Variants in DDHD1 observed in about 807,000 individuals in gnomAD.
DDHD1 encodes DDHD domain containing 1.
Under a neutral mutation model 96.4 loss-of-function variants are expected in DDHD1, and 49 were observed. The ratio of observed to expected loss-of-function variants is 0.51; its 90% CI spans 0.40 to 0.64. The LOEUF (loss-of-function observed/expected upper bound fraction) is 0.64. Among genes scored for constraint, DDHD1 ranks in the 30% least tolerant of loss-of-function variants. The pLI is 0.00. For synonymous variants in DDHD1, 442 were observed against 446.5 expected (o/e 0.99, Z 0.13); for missense variants, 1,106 against 1,161.2 (o/e 0.95, Z 0.69).
Position 53,152,859 on chromosome 14 carries a change from C to T in DDHD1, c.240G>A (p.Leu80=). 6.2e-7 allele frequency: 1 copy of T among 1,611,576 alleles called. No individual in the cohort carries two copies. Among genetic ancestry groups the T allele is most frequent in the South Asian group, 1.1e-5 (1 of 90,904 alleles). ...GTDDHNHHLA[L]DPCLSDENYD... ...AGTTCTCGTCACTGAGGCAGGGGTC[C>T]AGCGCGAGGTGGTGGTTGTGGTCGT... is the stretch of plus-strand genomic sequence containing the variant. The change falls in exon 1 of 13, where the codon CTG becomes CTA. Residue 80 remains leucine, a synonymous_variant. Coordinates refer to ENST00000673822, the MANE Select transcript of DDHD1 (RefSeq NM_001160148.2).
chr14:53,096,022 T>TA (rs914274641), intron 2 of DDHD1: 58 of 590,518 alleles, frequency 9.8e-5, no homozygotes, highest in East Asian at 8.6e-4. Context: ...TGGACACATT[T>TA]AAAAAAAACT....
chr14:53,118,958 G>A (rs1026451570), intron 1 of DDHD1, among the ~76,000 whole-genome samples: 3 of 152,132 alleles, frequency 2.0e-5, no homozygotes, highest in Non-Finnish European at 1.5e-5. Flanking sequence ...GACTAACGGC[G>A]GATCTCTTGG....
intron 4 of DDHD1, among the ~76,000 whole-genome samples, chr14:53,083,215 T>A (rs1335831222): frequency 6.6e-6 from 1 of 152,178 alleles, no homozygotes; most frequent in Non-Finnish European, 1.5e-5. Flanking sequence ...CTTTTTTATA[T>A]CATGTTCAAA....
At chr14:53,145,389 G>C (rs1013066322) in intron 1 of DDHD1, among the ~76,000 whole-genome samples, 12 of 150,686 alleles carry the variant, frequency 8.0e-5, no homozygotes, top group African/African-American at 2.9e-4. Context: ...TATGGACCTA[G>C]CTTCTTTGAA....
chr14:53,084,928 T>G (rs1489550970), intron 4 of DDHD1, among the ~76,000 whole-genome samples: 3 of 152,260 alleles, frequency 2.0e-5, no homozygotes, highest in Non-Finnish European at 4.4e-5. Context: ...ACTTAAATAC[T>G]GTGCTTTTCC....
In DDHD1 at chr14:53,152,382, C is replaced by G; in HGVS notation, c.717G>C (p.Gln239His). The G allele has an allele frequency of 2.5e-6, 4 of 1,613,888 alleles. No individual in the cohort carries two copies. Among genetic ancestry groups the G allele is most frequent in the Non-Finnish European group, 2.5e-6 (3 of 1,179,974 alleles). Residue 239 changes from glutamine to histidine, a missense_variant, in exon 1 of 13, where the codon CAG (glutamine) becomes CAC (histidine). By Grantham distance (24) the Gln-to-His change is conservative (BLOSUM62 0). This residue lies in a region of DDHD1 where 456 missense variants were observed against 402.4 expected (regional missense o/e 1.13). Transcript: ENST00000673822. ...TCTCCGGCTCGTGCCCCGTCGTACT[C>G]TGGCAGAAGCCGCAGGCGCGGTCCT... ...DDEDRACGFC[Q>H]STTGHEPEMV... is the part of the protein sequence containing the mutation.
chr14:53,088,286 A>G (rs1025077861), intron 4 of DDHD1, among the ~76,000 whole-genome samples: 5 of 152,240 alleles, frequency 3.3e-5, no homozygotes, highest in African/African-American at 1.2e-4. Context: ...TGCAGTCAAC[A>G]GAAAAAGAGG....
At chr14:53,109,857 G>A (rs1887977366) in intron 1 of DDHD1, among the ~76,000 whole-genome samples, 1 of 152,186 alleles carries the variant, frequency 6.6e-6, no homozygotes, top group Admixed American at 6.5e-5. Context: ...GTTCATTCAA[G>A]CTCTTTCTAC....
At chr14:53,097,936 C>T (rs10132326) in intron 2 of DDHD1, among the ~76,000 whole-genome samples, 4,597 of 151,938 alleles carry the variant, frequency 0.03, 228 homozygotes, top group African/African-American at 0.1. Context: ...AGACATGGTT[C>T]TTTCTTTTCA....
chr14:53,137,462 C>T (rs575151524), intron 1 of DDHD1, among the ~76,000 whole-genome samples: 3 of 152,040 alleles, frequency 2.0e-5, no homozygotes, highest in African/African-American at 7.2e-5. Flanking sequence ...CTTGGTGGCA[C>T]ATGCCTGTAA....
In DDHD1 at chr14:53,037,280, A is replaced by G. The variant is rs565117868; in HGVS notation, c.*9488T>C. The G allele has an allele frequency of 2.0e-5, 3 of 152,258 alleles. No individual in the cohort carries two copies. Among genetic ancestry groups the G allele is most frequent in the African/African-American group, 7.2e-5 (3 of 41,580 alleles). 9.4% of individuals were successfully genotyped at this position (152,258 alleles called of 1,614,324 possible). On this transcript the variant is annotated 3_prime_UTR_variant, in exon 13 of 13. Transcript: ENST00000673822. ...TTATTTCCTTTTGGGAAATAAACCC[A>G]TATGCTGGGTTGAATGGTAGATCTG... is the stretch of plus-strand genomic sequence containing the variant.
intron 4 of DDHD1, among the ~76,000 whole-genome samples, chr14:53,082,419 A>G (rs1309267789): frequency 6.6e-6 from 1 of 150,898 alleles, no homozygotes; most frequent in Admixed American, 6.6e-5. Context: ...ATAGAAAATC[A>G]TGAACAGTGA....
chr14:53,150,390 C>T (rs1891262525), intron 1 of DDHD1, among the ~76,000 whole-genome samples: 1 of 152,212 alleles, frequency 6.6e-6, no homozygotes, highest in African/African-American at 2.4e-5. Flanking sequence ...CACTTTCTAG[C>T]TAAGTGGCCT....
chr14:53,131,497 C>T (rs1030957452), intron 1 of DDHD1, among the ~76,000 whole-genome samples: 6 of 152,142 alleles, frequency 3.9e-5, no homozygotes, highest in Non-Finnish European at 8.8e-5. Flanking sequence ...CTTTCCTATC[C>T]TCAATACCTT....
intron 4 of DDHD1, among the ~76,000 whole-genome samples, chr14:53,076,447 C>G (rs550499242): frequency 6.6e-6 from 1 of 152,210 alleles, no homozygotes; most frequent in South Asian, 2.1e-4. Context: ...GGAGTTGCTT[C>G]TTATGGATGA....
intron 2 of DDHD1, among the ~76,000 whole-genome samples, chr14:53,095,060 T>C (rs574237999): frequency 9.2e-5 from 14 of 152,174 alleles, no homozygotes; most frequent in Non-Finnish European, 1.5e-4. Context: ...ACAGCAATGT[T>C]TGTGGAAGTA....
chr14:53,136,454 G>A (rs1303424381), intron 1 of DDHD1, among the ~76,000 whole-genome samples: 2 of 152,186 alleles, frequency 1.3e-5, no homozygotes, highest in African/African-American at 4.8e-5. Flanking sequence ...AATTTGTGAG[G>A]CACAATGTAG....
chr14:53,094,175 T>TA lies in DDHD1; in HGVS notation c.1013-732dup, dbSNP rs879555584. Among the ~76,000 whole-genome samples, 590 of 129,956 alleles carry TA rather than the reference T, an allele frequency of 4.5e-3. 3 individuals carry two copies. Among genetic ancestry groups the TA allele is most frequent in the Middle Eastern group, 0.026 (6 of 228 alleles). The allele number at this position is 129,956 out of a possible 152,430, so 85.3% of individuals were successfully genotyped here. On this transcript the variant is annotated intron_variant, in intron 2 of 12. Transcript: ENST00000673822. Reference sequence around the variant, plus strand: ...CTGGGCTACAGAGCAAGACTCCGTCTAAAAAAAAAAAAGAAAAAAATTTCA... The same window carrying TA: ...CTGGGCTACAGAGCAAGACTCCGTCTAAAAAAAAAAAAAGAAAAAAATTTCA...
chr14:53,146,151 A>T (rs560222960), intron 1 of DDHD1, among the ~76,000 whole-genome samples: 20 of 152,008 alleles, frequency 1.3e-4, no homozygotes, highest in African/African-American at 3.9e-4. Flanking sequence ...GGTTGCAGTG[A>T]GCTGAGATCA....
Sources: allele counts gnomAD v4.1 joint callset (sites outside exome capture counted in the v4.1 genomes callset), GRCh38; gene constraint gnomAD v4.1.1; regional missense constraint gnomAD v4.1.1; transcripts MANE v1.5; gene names NCBI Gene and HGNC (gene_info 2026-07-23, HGNC 2026-07-21).